TSGA13: variants seen among roughly 807,000 people sequenced by gnomAD.
The protein encoded by TSGA13 is testis-specific gene 13 protein.
In TSGA13, 37 loss-of-function variants were observed where a neutral mutation model predicts 35.1. That is an observed-to-expected ratio of 1.05 (90% confidence interval 0.81 to 1.39). The LOEUF (loss-of-function observed/expected upper bound fraction) is 1.39, where lower values mean the gene tolerates loss of function less well. Ranked by LOEUF, TSGA13 falls within the 40% of genes most tolerant of loss-of-function variation. The pLI is 0.00. For missense variants in TSGA13, 338 were observed against 328.5 expected, an observed-to-expected ratio of 1.03 and a Z score of -0.22; for synonymous variants, 124 against 121.2, an observed-to-expected ratio of 1.02 and a Z score of -0.15.
chr7:130,678,997 G>A (rs1047237564), intron 5 of TSGA13, among the ~76,000 whole-genome samples, 158 bp downstream of exon 5: 3 of 152,086 alleles, frequency 2.0e-5, no homozygotes, highest in East Asian at 1.9e-4. Context: ...ACTGCAGTCC[G>A]GCCTGGGTAA....
intron 7 of TSGA13, 130 bp from the exon 8 acceptor site, chr7:130,669,313 C>T (rs1796192006): frequency 1.0e-6 from 1 of 1,002,758 alleles, no homozygotes; most frequent in African/African-American, 1.6e-5. Flanking sequence ...GATTTTGGAC[C>T]GTGTAATACC....
At chr7:130,672,925 G>A in intron 5 of TSGA13, 49 bp from the exon 6 acceptor site, 1 of 1,535,666 alleles carries the variant, frequency 6.5e-7, no homozygotes. Flanking sequence ...TGAGTCCCTT[G>A]GGATTTTAAG....
intron 3 of TSGA13, among the ~76,000 whole-genome samples, chr7:130,681,915 A>T (rs894353340): frequency 1.3e-5 from 2 of 152,092 alleles, no homozygotes; most frequent in Non-Finnish European, 2.9e-5. Flanking sequence ...CTGTGTTCAG[A>T]TCAGCATTTC....
At chr7:130,681,878 G>A (rs537052387) in intron 3 of TSGA13, among the ~76,000 whole-genome samples, 4 of 151,806 alleles carry the variant, frequency 2.6e-5, no homozygotes, top group East Asian at 1.9e-4. Flanking sequence ...GTCAGAAATC[G>A]GAAAAAAAGA....
chr7:130,681,116 T>G, intron 3 of TSGA13, 99 bp from the exon 4 acceptor site: 2 of 967,890 alleles, frequency 2.1e-6, no homozygotes, highest in Non-Finnish European at 3.3e-6. Context: ...AACTGGTCTC[T>G]AACTTACACT....
At chr7:130,679,095 C>A in intron 5 of TSGA13, 60 bp downstream of exon 5, 1 of 1,337,330 alleles carries the variant, frequency 7.5e-7, no homozygotes. Flanking sequence ...ACTTCCTTCT[C>A]AATGCTAACT....
intron 5 of TSGA13, among the ~76,000 whole-genome samples, chr7:130,677,527 C>T (rs985231100): frequency 5.9e-5 from 9 of 151,970 alleles, no homozygotes; most frequent in Admixed American, 2.6e-4. Context: ...CAGGTTCAAG[C>T]GATTCTCCTC....
intron 2 of TSGA13, 100 bp downstream of exon 2, chr7:130,685,088 G>T: frequency 8.5e-7 from 1 of 1,174,088 alleles, no homozygotes; most frequent in Non-Finnish European, 1.3e-6. Context: ...TTTAATGAGA[G>T]TCTACTCTGT....
chr7:130,685,115 C>T lies in TSGA13; in HGVS notation c.23+73G>A, dbSNP rs1193665880. On this transcript the variant is annotated intron_variant, in intron 2 of 7. Coordinates refer to ENST00000356588, the MANE Select transcript of TSGA13 (RefSeq NM_052933.4). ...CTACTCTGTGACCAGCACCATTCAA[C>T]GTGCTGTGGGCTATGCAATAAGTTA... 16 of 1,414,060 alleles carry T rather than the reference C, an allele frequency of 1.1e-5. No homozygotes were observed. The East Asian group carries it at 1.2e-4, about 10-fold the overall frequency. The allele number at this position is 1,414,060 out of a possible 1,614,324, so 87.6% of individuals were successfully genotyped here.
chr7:130,680,943 T>G lies in TSGA13; in HGVS notation c.174+3A>C. 2 of 1,613,928 alleles carry G rather than the reference T, an allele frequency of 1.2e-6. No individual in the cohort carries two copies. The highest frequency in any genetic ancestry group is 4.5e-5 in the East Asian group (2 of 44,856). On this transcript the variant is annotated splice_donor_region_variant and intron_variant, in intron 4 of 7. Coordinates refer to ENST00000356588, the MANE Select transcript of TSGA13 (RefSeq NM_052933.4). The stretch of plus-strand genomic sequence containing the variant: ...ATCTTGGGGGAATGCTTTCTCTACC[T>G]ACCAAATTTGGATGGACTGTGTAAT...
intron 5 of TSGA13, among the ~76,000 whole-genome samples, chr7:130,678,428 G>A (rs540357509): frequency 4.6e-5 from 7 of 151,654 alleles, no homozygotes; most frequent in Non-Finnish European, 7.4e-5. Context: ...TCCGTCTTCT[G>A]AAACTGGAAA....
At chr7:130,674,064 C>T (rs1410668200) in intron 5 of TSGA13, among the ~76,000 whole-genome samples, 1 of 151,890 alleles carries the variant, frequency 6.6e-6, no homozygotes, top group African/African-American at 2.4e-5. Flanking sequence ...CACTGCATTC[C>T]AGCTTGGGCA....
At chr7:130,672,634 G>T in intron 6 of TSGA13, 100 bp downstream of exon 6, 1 of 1,487,116 alleles carries the variant, frequency 6.7e-7, no homozygotes, top group East Asian at 2.3e-5. Flanking sequence ...ATCTTTGTAC[G>T]ACCAAAGAAT....
intron 5 of TSGA13, among the ~76,000 whole-genome samples, chr7:130,677,234 T>C (rs6945822): frequency 0.15 from 23,342 of 152,020 alleles, 3,412 homozygotes; most frequent in African/African-American, 0.38. Context: ...TTTTCTCTAC[T>C]TCCTCTGCTA....
In TSGA13 at chr7:130,679,383, G is replaced by A; in HGVS notation, c.175-16C>T. 6.3e-7 allele frequency: 1 copy of A among 1,589,192 alleles called. No homozygotes were observed. The highest frequency in any genetic ancestry group is 8.6e-7 in the Non-Finnish European group (1 of 1,166,888). On this transcript the variant is annotated splice_polypyrimidine_tract_variant and intron_variant, in intron 4 of 7. Coordinates refer to ENST00000356588, the MANE Select transcript of TSGA13 (RefSeq NM_052933.4). ...AGTACTGGGCCTGAACAGACAGAAA[G>A]GTTTCCAGAGAGAAAAAGAGATTAG...
At chr7:130,681,907 G>A (rs1796555937) in intron 3 of TSGA13, among the ~76,000 whole-genome samples, 1 of 152,012 alleles carries the variant, frequency 6.6e-6, no homozygotes, top group Non-Finnish European at 1.5e-5. Flanking sequence ...TCATTATCCT[G>A]TGTTCAGATC....
At chr7:130,673,193 C>T (rs2116302840) in intron 5 of TSGA13, among the ~76,000 whole-genome samples, 1 of 152,298 alleles carries the variant, frequency 6.6e-6, no homozygotes, top group East Asian at 1.9e-4. Context: ...CCAGTGAAGT[C>T]CTTGGGGAAG....
At chr7:130,677,431 CTTT>C (rs200435239) in intron 5 of TSGA13, among the ~76,000 whole-genome samples, 1 of 144,828 alleles carries the variant, frequency 6.9e-6, no homozygotes. Context: ...TTTGCTTTTT[CTTT>C]TTTTTTTTGA....
chr7:130,685,384 T>A, intron 1 of TSGA13, 24 bp from the exon 2 acceptor site: 1 of 1,408,662 alleles, frequency 7.1e-7, no homozygotes. Flanking sequence ...AAGAAAAGAC[T>A]GATAGGTGCT....
Sources: gnomAD v4.1 joint callset for allele counts (sites outside exome capture counted in the v4.1 genomes callset) on GRCh38, gnomAD v4.1.1 for gene constraint, MANE v1.5 for transcripts, NCBI Gene and HGNC (gene_info 2026-07-23, HGNC 2026-07-21) for gene names.